The following RNF38 variants were observed in gnomAD, a reference collection of about 807,000 sequenced individuals.
RNF38 encodes ring finger protein 38.
RNF38 carries 15 observed loss-of-function variants against 67.2 expected under a neutral mutation model. That is an observed-to-expected ratio of 0.22 (90% confidence interval 0.15 to 0.34). The LOEUF is 0.34. RNF38 is among the 10% of genes least tolerant of loss of function. The probability of loss-of-function intolerance (pLI) is 1.00; values close to 1 mark genes in which losing one functional copy is unlikely to be tolerated. For missense variants in RNF38, 524 were observed against 639.9 expected, an observed-to-expected ratio of 0.82 and a Z score of 1.95; for synonymous variants, 220 against 218.8, an observed-to-expected ratio of 1.01 and a Z score of -0.05.
At chr9:36,486,252 C>G (rs1840408512) in intron 1 of RNF38, among the ~76,000 whole-genome samples, 1 of 152,170 alleles carries the variant, frequency 6.6e-6, no homozygotes, top group African/African-American at 2.4e-5. Flanking sequence ...CAAGGGACAT[C>G]CGCAGTCAAA....
At chr9:36,472,509 C>A (rs1207159328) in intron 1 of RNF38, among the ~76,000 whole-genome samples, 1 of 152,118 alleles carries the variant, frequency 6.6e-6, no homozygotes, top group Non-Finnish European at 1.5e-5. Flanking sequence ...ATTGGACATC[C>A]CTGGCCAGCA....
intron 10 of RNF38, among the ~76,000 whole-genome samples, chr9:36,343,607 G>C (rs1377716672): frequency 6.6e-6 from 1 of 151,830 alleles, no homozygotes; most frequent in East Asian, 1.9e-4. Context: ...AGACAATATA[G>C]AGTGATTCAA....
intron 1 of RNF38, among the ~76,000 whole-genome samples, chr9:36,466,275 A>G (rs962265808): frequency 6.6e-6 from 1 of 152,180 alleles, no homozygotes; most frequent in African/African-American, 2.4e-5. Flanking sequence ...GTGACTGCCA[A>G]TGAGTGGAGG....
chr9:36,391,328 T>C lies in RNF38; in HGVS notation c.13-712A>G, dbSNP rs565358929. 1.3e-4 allele frequency among the ~76,000 whole-genome samples: 20 copies of C among 152,218 alleles called. No homozygotes were observed. The East Asian group carries it at 3.7e-3, about 28-fold the overall frequency. ...AAAATTAAAAAACAAAAATAAATGT[T>C]TGACTTGATTATGGGTTAATCCTCT... On this transcript the variant is annotated intron_variant, in intron 1 of 11. Coordinates refer to ENST00000259605, the MANE Select transcript of RNF38 (RefSeq NM_022781.5).
chr9:36,400,639 C>G, upstream of RNF38: 1 of 985,742 alleles, frequency 1.0e-6, no homozygotes, highest in Non-Finnish European at 1.2e-6. Context: ...TCGCCCAGCC[C>G]GCGGCCAGCT....
At chr9:36,465,035 C>T (rs769128133) in intron 1 of RNF38, among the ~76,000 whole-genome samples, 20 of 152,114 alleles carry the variant, frequency 1.3e-4, no homozygotes, top group Admixed American at 2.6e-4. Flanking sequence ...GGGGGGAATG[C>T]AAATCAAAAC....
At chr9:36,441,817 T>C (rs890757520) in intron 1 of RNF38, among the ~76,000 whole-genome samples, 1 of 152,170 alleles carries the variant, frequency 6.6e-6, no homozygotes, top group African/African-American at 2.4e-5. Flanking sequence ...TAAATTAGCC[T>C]GGGAATTGAC....
At chr9:36,467,584 C>T (rs536035760) in intron 1 of RNF38, among the ~76,000 whole-genome samples, 28 of 152,208 alleles carry the variant, frequency 1.8e-4, no homozygotes, top group Admixed American at 1.8e-3. Flanking sequence ...CTGGGTGGGT[C>T]AGGCCATTTG....
At chr9:36,392,618 AGT>A (rs1228316556) in intron 1 of RNF38, among the ~76,000 whole-genome samples, 3 of 152,154 alleles carry the variant, frequency 2.0e-5, no homozygotes, top group Admixed American at 6.5e-5. Context: ...AAATTAAATT[AGT>A]GTGGCATGGT....
intron 2 of RNF38, among the ~76,000 whole-genome samples, chr9:36,416,709 G>T (rs565707453): frequency 2.1e-5 from 3 of 142,718 alleles, no homozygotes; most frequent in Admixed American, 7.0e-5. Context: ...GACTAGAAGT[G>T]TCTACAGGGC....
At chr9:36,464,561 A>G (rs1454736025) in intron 1 of RNF38, among the ~76,000 whole-genome samples, 1 of 148,136 alleles carries the variant, frequency 6.8e-6, no homozygotes, top group East Asian at 2.0e-4. Flanking sequence ...ACAGAGTGAG[A>G]CTCCGTCTCA....
intron 1 of RNF38, among the ~76,000 whole-genome samples, chr9:36,484,766 T>C (rs1250102167): frequency 6.6e-6 from 1 of 152,240 alleles, no homozygotes. Flanking sequence ...AGAATTCTTC[T>C]GACTTGCTTC....
intron 1 of RNF38, among the ~76,000 whole-genome samples, chr9:36,391,528 T>C (rs972628779): frequency 9.9e-5 from 15 of 152,150 alleles, no homozygotes; most frequent in Non-Finnish European, 1.6e-4. Context: ...TAGAGTTTCA[T>C]TGCCTCATTC....
At chr9:36,385,470 C>G (rs1381022974) in intron 2 of RNF38, among the ~76,000 whole-genome samples, 1 of 151,948 alleles carries the variant, frequency 6.6e-6, no homozygotes, top group Non-Finnish European at 1.5e-5. Flanking sequence ...CCTCCGCCTC[C>G]CGGATTCAAG....
intron 1 of RNF38, among the ~76,000 whole-genome samples, chr9:36,391,407 CATA>C (rs1490413206): frequency 6.6e-6 from 1 of 151,876 alleles, no homozygotes; most frequent in Non-Finnish European, 1.5e-5. Flanking sequence ...AAATCATGAA[CATA>C]ATGTGTTCCA....
intron 4 of RNF38, 65 bp from the exon 5 acceptor site, chr9:36,358,007 C>G (rs980462180): frequency 2.9e-6 from 4 of 1,389,436 alleles, no homozygotes; most frequent in Non-Finnish European, 4.0e-6. Flanking sequence ...TATTCAAAAT[C>G]AACATTTGGT....
intron 2 of RNF38, among the ~76,000 whole-genome samples, chr9:36,378,016 T>TA (rs150132137): frequency 0.032 from 4,839 of 150,310 alleles, 244 homozygotes; most frequent in African/African-American, 0.1. Flanking sequence ...TCCTAAAACT[T>TA]AAAAAAAAAG....
upstream of RNF38, among the ~76,000 whole-genome samples, chr9:36,406,155 G>GT (rs1453892165): frequency 6.6e-6 from 1 of 152,166 alleles, no homozygotes. Flanking sequence ...CACCGATGTT[G>GT]GGGGGAAGAA....
intron 1 of RNF38, among the ~76,000 whole-genome samples, chr9:36,480,557 T>C (rs1447630607): frequency 7.0e-6 from 1 of 143,230 alleles, no homozygotes; most frequent in South Asian, 2.2e-4. Flanking sequence ...TCTTTTTTTT[T>C]TTTTTTTTTT....
Sources: allele counts gnomAD v4.1 joint callset (sites outside exome capture counted in the v4.1 genomes callset), GRCh38; gene constraint gnomAD v4.1.1; transcripts MANE v1.5; gene names NCBI Gene and HGNC (gene_info 2026-07-23, HGNC 2026-07-21).